ITSN2: variants seen among roughly 807,000 people sequenced by gnomAD.
ITSN2 encodes the protein intersectin-2.
ITSN2 carries 156 observed loss-of-function variants against 243.7 expected under a neutral mutation model. The ratio of observed to expected loss-of-function variants is 0.64; its 90% CI spans 0.56 to 0.73. ITSN2 has a LOEUF of 0.73. ITSN2 is among the 30% of genes least tolerant of loss of function. The pLI is 0.00. For missense variants in ITSN2, 1,801 were observed against 1,996.1 expected (o/e 0.90, Z 1.86); for synonymous variants, 703 against 699.9 (o/e 1.00, Z -0.07).
rs758719170 is a variant in ITSN2, at chr2:24,293,753, T to C, written c.1658A>G (p.Tyr553Cys). The C allele has an allele frequency of 1.3e-5, 15 of 1,123,034 alleles. No homozygotes were observed. Among genetic ancestry groups the C allele is most frequent in the South Asian group, 1.3e-4 (9 of 67,790 alleles). The allele number at this position is 1,123,034 out of a possible 1,614,324, so 69.6% of individuals were successfully genotyped here. The stretch of plus-strand genomic sequence containing the variant: ...TAATAATTGCTTCTCAGGTACCAGA[T>C]AGATAAGCTTATTCTGATATTCCTT... ...ELQEYQNKLI[Y>C]LVPEKQLLNE... Residue 553 changes from tyrosine to cysteine, a missense_variant, in exon 15 of 40, where the codon TAT (tyrosine) becomes TGT (cysteine). Tyr to Cys is a radical substitution (Grantham distance 194, BLOSUM62 -2). Around this residue, in one of 5 missense-constraint regions of ITSN2, gnomAD observed 787 missense variants for 803.9 expected, o/e 0.98. Transcript: ENST00000355123.
intron 1 of ITSN2, among the ~76,000 whole-genome samples, chr2:24,357,972 T>A (rs1394923089): frequency 6.6e-6 from 1 of 152,226 alleles, no homozygotes; most frequent in African/African-American, 2.4e-5. Context: ...TGGAGTGCAG[T>A]GGTGCGATCT....
chr2:24,312,726 C>T (rs1046105934), intron 4 of ITSN2, among the ~76,000 whole-genome samples: 2 of 152,000 alleles, frequency 1.3e-5, no homozygotes, highest in African/African-American at 2.4e-5. Context: ...CTATGTGCCT[C>T]GTACTCTACC....
chr2:24,340,425 G>A (rs142749999), intron 1 of ITSN2, among the ~76,000 whole-genome samples: 3 of 150,868 alleles, frequency 2.0e-5, no homozygotes, highest in Admixed American at 6.6e-5. Flanking sequence ...AGGTTACAGC[G>A]AACTGAGATC....
intron 9 of ITSN2, among the ~76,000 whole-genome samples, chr2:24,303,277 G>C (rs1303669118): frequency 6.6e-6 from 1 of 152,108 alleles, no homozygotes; most frequent in Non-Finnish European, 1.5e-5. Context: ...TTATTGCCCC[G>C]AACACCTTCC....
chr2:24,331,239 T>C lies in ITSN2; in HGVS notation c.-33-3124A>G, dbSNP rs186389747. 1.7e-3 allele frequency among the ~76,000 whole-genome samples: 260 copies of C among 151,296 alleles called. 3 individuals carry two copies. The South Asian group carries it at 0.03, about 17-fold the overall frequency. ...GTTGCGCATCATCACGCCCGGCTAATTTTTTGTATTTTTAGTAGAAATGGG... is the reference window on the plus strand; with the variant it reads ...GTTGCGCATCATCACGCCCGGCTAACTTTTTGTATTTTTAGTAGAAATGGG... On this transcript the variant is annotated intron_variant, in intron 1 of 39. Transcript: ENST00000355123.
intron 17 of ITSN2, among the ~76,000 whole-genome samples, chr2:24,277,349 CTATTT>C (rs1678140578): frequency 6.6e-6 from 1 of 152,190 alleles, no homozygotes; most frequent in South Asian, 2.1e-4. Context: ...TCAGAGATAA[CTATTT>C]TATAAGTGAA....
intron 24 of ITSN2, among the ~76,000 whole-genome samples, chr2:24,253,083 C>A (rs868265144): frequency 6.6e-6 from 1 of 152,124 alleles, no homozygotes; most frequent in Non-Finnish European, 1.5e-5. Flanking sequence ...TAACAAATGA[C>A]CTCAAGGGAA....
intron 1 of ITSN2, among the ~76,000 whole-genome samples, chr2:24,360,007 G>A (rs1052607024): frequency 6.6e-6 from 1 of 152,008 alleles, no homozygotes; most frequent in East Asian, 1.9e-4. Context: ...CCTGCCAGAC[G>A]AGGCCGCGGC....
At chr2:24,357,481 G>C (rs993290201) in intron 1 of ITSN2, among the ~76,000 whole-genome samples, 1 of 152,104 alleles carries the variant, frequency 6.6e-6, no homozygotes, top group African/African-American at 2.4e-5. Context: ...TTGTGGGGGG[G>C]CAATGAGGGA....
intron 35 of ITSN2, among the ~76,000 whole-genome samples, chr2:24,209,423 C>T (rs925991543): frequency 1.1e-4 from 16 of 152,178 alleles, no homozygotes; most frequent in African/African-American, 3.9e-4. Flanking sequence ...AAGTCATTAT[C>T]GAGGTGGGTC....
intron 15 of ITSN2, among the ~76,000 whole-genome samples, chr2:24,292,158 T>C (rs1448914618): frequency 6.6e-6 from 1 of 152,196 alleles, no homozygotes; most frequent in Non-Finnish European, 1.5e-5. Context: ...TACAGGGTAC[T>C]TTTCAAAGCC....
intron 11 of ITSN2, among the ~76,000 whole-genome samples, chr2:24,300,900 T>G (rs1220727478): frequency 6.6e-6 from 1 of 152,150 alleles, no homozygotes; most frequent in African/African-American, 2.4e-5. Context: ...TCAGCCTAAA[T>G]TAGGAGAAAT....
At chr2:24,274,460 T>TA (rs1487706695) in intron 18 of ITSN2, among the ~76,000 whole-genome samples, 3 of 152,042 alleles carry the variant, frequency 2.0e-5, no homozygotes, top group Non-Finnish European at 4.4e-5. Context: ...TATTCCCAGT[T>TA]ACTCAGTGGG....
At chr2:24,216,343 C>G (rs1236659244) in intron 31 of ITSN2, 111 bp from the exon 32 acceptor site, 1 of 860,612 alleles carries the variant, frequency 1.2e-6, no homozygotes, top group African/African-American at 1.7e-5. Flanking sequence ...TACCTAAGAA[C>G]CTCTGGCACT....
intron 30 of ITSN2, among the ~76,000 whole-genome samples, chr2:24,220,080 C>T (rs1477220): frequency 0.07 from 10,707 of 152,150 alleles, 400 homozygotes; most frequent in Middle Eastern, 0.11. Context: ...ATATCCCAGG[C>T]ATTAGGCCTG....
intron 24 of ITSN2, among the ~76,000 whole-genome samples, chr2:24,253,210 T>C (rs541161469): frequency 6.6e-6 from 1 of 152,222 alleles, no homozygotes; most frequent in Non-Finnish European, 1.5e-5. Flanking sequence ...TTTATTTATA[T>C]TTGGCCAACA....
chr2:24,220,642 C>T, intron 30 of ITSN2: 1 of 1,243,466 alleles, frequency 8.0e-7, no homozygotes, highest in Non-Finnish European at 1.0e-6. Context: ...CCCCGTCCTT[C>T]CTTGATGGGG....
rs1413092399 is a variant in ITSN2 at position 24,257,873 on chromosome 2, C to A, written c.2888+15G>T. 2 of 1,592,890 alleles carry A rather than the reference C, an allele frequency of 1.3e-6. No homozygotes were observed. Among genetic ancestry groups the A allele is most frequent in the Non-Finnish European group, 1.7e-6 (2 of 1,160,782 alleles). ...CCAACATCCACATCTCATGAAAACA[C>A]ATAAAGATGCTTACTCTTCCCGTTT... is the stretch of plus-strand genomic sequence containing the variant. On this transcript the variant is annotated intron_variant, in intron 23 of 39. Transcript: ENST00000355123.
chr2:24,341,706 T>C (rs1229140488), intron 1 of ITSN2, among the ~76,000 whole-genome samples: 1 of 152,106 alleles, frequency 6.6e-6, no homozygotes, highest in African/African-American at 2.4e-5. Context: ...TGAAACCCTG[T>C]CTCTATTAAA....
Sources: gnomAD v4.1 joint callset for allele counts (sites outside exome capture counted in the v4.1 genomes callset) on GRCh38, gnomAD v4.1.1 for gene constraint, gnomAD v4.1.1 regional missense constraint, MANE v1.5 for transcripts, NCBI Gene and HGNC (gene_info 2026-07-23, HGNC 2026-07-21) for gene names.